HYCC2: variants seen among roughly 807,000 people sequenced by gnomAD.
HYCC2 encodes hyccin PI4KA lipid kinase complex subunit 2.
At chr2:200,982,967 A>T in the HYCC2 span, among the ~76,000 whole-genome samples, 1 of 152,174 alleles carries the variant, frequency 6.6e-6, no homozygotes, top group Admixed American at 6.6e-5. Context: ...CATGTTGGCC[A>T]GGCTGGTCTC....
the HYCC2 span, among the ~76,000 whole-genome samples, chr2:201,025,385 G>A: frequency 2.6e-5 from 4 of 151,546 alleles, no homozygotes; most frequent in African/African-American, 9.7e-5. Flanking sequence ...CCACTTTAAT[G>A]AACCACTTAT....
chr2:201,060,399 G>A, the HYCC2 span, among the ~76,000 whole-genome samples: 2 of 152,208 alleles, frequency 1.3e-5, no homozygotes, highest in Admixed American at 6.5e-5. Context: ...ATCAGAAGAA[G>A]TGTTGTGTAG....
the HYCC2 span, among the ~76,000 whole-genome samples, chr2:201,037,611 T>C: frequency 6.6e-6 from 1 of 152,158 alleles, no homozygotes; most frequent in Admixed American, 6.5e-5. Flanking sequence ...ATCTGATCTT[T>C]GACAAACCTG....
the HYCC2 span, chr2:200,997,420 G>A: frequency 1.2e-5 from 17 of 1,423,038 alleles, no homozygotes; most frequent in Non-Finnish European, 1.7e-5. Flanking sequence ...TAAATATGAA[G>A]ATTAGTAATA....
chr2:201,038,763 AG>A, the HYCC2 span, among the ~76,000 whole-genome samples: 1 of 152,048 alleles, frequency 6.6e-6, no homozygotes, highest in Non-Finnish European at 1.5e-5. Flanking sequence ...GGGAGAGGGG[AG>A]GGATAGCATT....
chr2:201,069,677 C>T, the HYCC2 span, among the ~76,000 whole-genome samples: 1 of 151,454 alleles, frequency 6.6e-6, no homozygotes, highest in African/African-American at 2.4e-5. Context: ...TAAAATAGAA[C>T]CAGAAATTTT....
the HYCC2 span, among the ~76,000 whole-genome samples, chr2:201,033,529 A>G: frequency 6.6e-6 from 1 of 151,362 alleles, no homozygotes; most frequent in African/African-American, 2.4e-5. Flanking sequence ...TCAGCCTCCC[A>G]AGTAGCTGGG....
At chr2:201,042,413 G>A in the HYCC2 span, among the ~76,000 whole-genome samples, 86 of 151,860 alleles carry the variant, frequency 5.7e-4, no homozygotes, top group Non-Finnish European at 9.4e-4. Context: ...CTGCCCGGCC[G>A]CCCATCATCT....
chr2:201,005,231 C>T, the HYCC2 span, among the ~76,000 whole-genome samples: 6 of 151,938 alleles, frequency 3.9e-5, no homozygotes, highest in East Asian at 3.9e-4. Context: ...TTAACCTGAG[C>T]GGGGCCAAGG....
chr2:201,025,974 T>C, the HYCC2 span, among the ~76,000 whole-genome samples: 2,157 of 152,152 alleles, frequency 0.014, 21 homozygotes, highest in Non-Finnish European at 0.023. Context: ...ATATTAACCT[T>C]AAATGTAAAT....
the HYCC2 span, among the ~76,000 whole-genome samples, chr2:201,062,220 T>A: frequency 6.6e-6 from 1 of 152,126 alleles, no homozygotes; most frequent in Non-Finnish European, 1.5e-5. Flanking sequence ...GAAATTACTA[T>A]ATTATAATAG....
chr2:200,975,358 C>T, the HYCC2 span: 1 of 151,934 alleles, frequency 6.6e-6, no homozygotes, highest in Non-Finnish European at 1.5e-5. Flanking sequence ...ATATAATTAA[C>T]ACTGAGCTGT....
the HYCC2 span, among the ~76,000 whole-genome samples, chr2:201,026,904 A>C: frequency 6.6e-6 from 1 of 152,246 alleles, no homozygotes; most frequent in Non-Finnish European, 1.5e-5. Flanking sequence ...AATTAAAAGA[A>C]TTAGAGAAGC....
At chr2:201,012,655 AT>A in the HYCC2 span, among the ~76,000 whole-genome samples, 1 of 152,062 alleles carries the variant, frequency 6.6e-6, no homozygotes, top group East Asian at 1.9e-4. Flanking sequence ...TTATAAATAA[AT>A]ATGTGCAGTC....
the HYCC2 span, chr2:201,063,158 G>C: frequency 6.2e-7 from 1 of 1,610,608 alleles, no homozygotes; most frequent in South Asian, 1.1e-5. Flanking sequence ...GTTGAGCTTT[G>C]AAACAACCGA....
the HYCC2 span, among the ~76,000 whole-genome samples, chr2:201,042,230 T>C: frequency 6.6e-6 from 1 of 152,214 alleles, no homozygotes; most frequent in South Asian, 2.1e-4. Flanking sequence ...GGTGCCGGGA[T>C]TGCAGACGGA....
At chr2:201,015,677 C>T in the HYCC2 span, among the ~76,000 whole-genome samples, 1 of 152,158 alleles carries the variant, frequency 6.6e-6, no homozygotes, top group East Asian at 1.9e-4. Context: ...TAAAGAGAAC[C>T]TAAACCTAAA....
At chr2:200,997,284 A>C in the HYCC2 span, 2 of 507,624 alleles carry the variant, frequency 3.9e-6, no homozygotes, top group Non-Finnish European at 7.1e-6. Context: ...ACAACAACAA[A>C]AACAGCCTCA....
At chr2:200,975,885 T>C in the HYCC2 span, 51 of 152,242 alleles carry the variant, frequency 3.3e-4, no homozygotes, top group African/African-American at 1.2e-3. Context: ...TTTCTATATA[T>C]GCTCAGTACC....
Sources: gnomAD v4.1 joint callset for allele counts (sites outside exome capture counted in the v4.1 genomes callset) on GRCh38, gnomAD v4.1.1 for gene constraint, MANE v1.5 for transcripts, NCBI Gene and HGNC (gene_info 2026-07-23, HGNC 2026-07-21) for gene names.